DAB1: variants seen among roughly 807,000 people sequenced by gnomAD.
The protein encoded by DAB1 is disabled homolog 1.
A neutral mutation model predicts 64.6 loss-of-function variants in DAB1; 15 were observed. The observed-to-expected ratio is 0.23, with a 90% confidence interval of 0.16 to 0.36. The LOEUF (loss-of-function observed/expected upper bound fraction) is 0.36, where lower values mean the gene tolerates loss of function less well. DAB1 is among the 10% of genes least tolerant of loss of function. DAB1 has a pLI of 1.00. For missense variants in DAB1, 596 were observed against 706.7 expected (o/e 0.84, Z 1.78); for synonymous variants, 235 against 251.9 (o/e 0.93, Z 0.64).
At chr1:58,095,901 G>A (rs1032953007) in intron 5 of DAB1, among the ~76,000 whole-genome samples, 1 of 152,182 alleles carries the variant, frequency 6.6e-6, no homozygotes, top group Non-Finnish European at 1.5e-5. Flanking sequence ...GTGGAGGCCT[G>A]GGGATTGAAT....
intron 1 of DAB1, chr1:57,874,349 G>C (rs1644007396): frequency 6.6e-6 from 1 of 152,140 alleles, no homozygotes; most frequent in South Asian, 2.1e-4. Context: ...GCAGGGTGAG[G>C]CAGGGCTCCA....
At chr1:57,976,074 C>G (rs901905310) in intron 5 of DAB1, among the ~76,000 whole-genome samples, 2 of 152,186 alleles carry the variant, frequency 1.3e-5, no homozygotes, top group Non-Finnish European at 2.9e-5. Flanking sequence ...CTTAGAGCAC[C>G]AAGCCCCCCA....
At chr1:57,994,518 T>C (rs1262764475) in intron 5 of DAB1, among the ~76,000 whole-genome samples, 1 of 152,194 alleles carries the variant, frequency 6.6e-6, no homozygotes, top group Non-Finnish European at 1.5e-5. Flanking sequence ...AGAGCACTTC[T>C]GGGAGTTGGG....
chr1:57,479,517 C>G (rs1028896262), intron 7 of DAB1, among the ~76,000 whole-genome samples: 1 of 151,226 alleles, frequency 6.6e-6, no homozygotes, highest in Non-Finnish European at 1.5e-5. Context: ...TATCATAGTA[C>G]CCAAAAGTTT....
intron 1 of DAB1, among the ~76,000 whole-genome samples, chr1:57,363,978 C>A (rs894814688): frequency 1.3e-5 from 2 of 152,094 alleles, no homozygotes; most frequent in African/African-American, 4.8e-5. Flanking sequence ...AATATCCATT[C>A]CTATTTATAG....
intron 2 of DAB1, among the ~76,000 whole-genome samples, chr1:57,149,699 G>A (rs1659478584): frequency 6.6e-6 from 1 of 152,012 alleles, no homozygotes; most frequent in Non-Finnish European, 1.5e-5. Flanking sequence ...AAAATTTCAT[G>A]GTCTTAACCA....
rs1553181976 is a variant in DAB1 at position 57,439,433 on chromosome 1, T to TTTTTTTTGTTTTTTTTTTTTTTTTG, written n.626-148268_626-148267insCAAAAAAAAAAAAAAAACAAAAAAA. Among the ~76,000 whole-genome samples the TTTTTTTTGTTTTTTTTTTTTTTTTG allele has an allele frequency of 3.6e-4, 47 of 131,966 alleles. 1 individual carries two copies. Among genetic ancestry groups the TTTTTTTTGTTTTTTTTTTTTTTTTG allele is most frequent in the East Asian group, 2.4e-3 (10 of 4,152 alleles). The allele number at this position is 131,966 out of a possible 152,430, so 86.6% of individuals were successfully genotyped here. On this transcript the variant is annotated intron_variant and non_coding_transcript_variant, in intron 7 of 20. Coordinates refer to the DAB1 transcript ENST00000485760. ...TGGTGATGAGGTTTTTTCTTTTTTTTTTTTTTTTTTTTTTGAGACGGAGTC... is the reference window on the plus strand; with the variant it reads ...TGGTGATGAGGTTTTTTCTTTTTTTTTTTTTTTGTTTTTTTTTTTTTTTTGTTTTTTTTTTTTTTGAGACGGAGTC...
chr1:57,410,897 G>A (rs1684052542), intron 1 of DAB1, among the ~76,000 whole-genome samples: 1 of 152,204 alleles, frequency 6.6e-6, no homozygotes, highest in Non-Finnish European at 1.5e-5. Flanking sequence ...ACATGTGAGA[G>A]AAGGGGAAAG....
chr1:58,047,860 T>G (rs1262480373), intron 5 of DAB1: 2 of 262,826 alleles, frequency 7.6e-6, no homozygotes, highest in Non-Finnish European at 7.3e-6. Flanking sequence ...AGGCATTTAT[T>G]CAGCATCACG....
At chr1:57,330,642 G>C (rs1316048938) in intron 1 of DAB1, among the ~76,000 whole-genome samples, 4 of 152,192 alleles carry the variant, frequency 2.6e-5, no homozygotes, top group African/African-American at 7.2e-5. Flanking sequence ...CGAGAAAACA[G>C]TGTCGACGTG....
intron 5 of DAB1, among the ~76,000 whole-genome samples, chr1:57,895,763 G>A (rs377199805): frequency 6.6e-6 from 1 of 152,152 alleles, no homozygotes; most frequent in Admixed American, 6.5e-5. Flanking sequence ...ATCAAAATCA[G>A]AGAAAGGTAC....
chr1:57,633,935 G>C (rs1646021238), intron 7 of DAB1, among the ~76,000 whole-genome samples: 1 of 152,200 alleles, frequency 6.6e-6, no homozygotes, highest in African/African-American at 2.4e-5. Context: ...GTCATACTAA[G>C]TTGCTTTATC....
intron 6 of DAB1, among the ~76,000 whole-genome samples, chr1:57,662,127 T>C (rs1646393878): frequency 6.6e-6 from 1 of 152,218 alleles, no homozygotes; most frequent in Admixed American, 6.5e-5. Flanking sequence ...TTTTTTTGGG[T>C]AAAGAAAAAT....
In DAB1 at chr1:58,135,349, A is replaced by C. The variant is rs367892600; in HGVS notation, n.387+15162T>G. Among the ~76,000 whole-genome samples the C allele has an allele frequency of 4.7e-4, 71 of 152,312 alleles. 1 individual carries two copies. The highest frequency in any genetic ancestry group is 1.7e-3 in the African/African-American group (70 of 41,560). ...GAGGTTATTATAGACAATCAATTTGAGAAACATGGAATAACAAAGGTAAAT... is the reference window on the plus strand; with the variant it reads ...GAGGTTATTATAGACAATCAATTTGCGAAACATGGAATAACAAAGGTAAAT... On this transcript the variant is annotated intron_variant and non_coding_transcript_variant, in intron 5 of 20. Transcript: ENST00000485760.
intron 7 of DAB1, among the ~76,000 whole-genome samples, chr1:57,577,456 C>A (rs905539047): frequency 1.3e-5 from 2 of 151,474 alleles, no homozygotes; most frequent in Admixed American, 6.6e-5. Flanking sequence ...CAGTTGTTCA[C>A]AGCCTTTTAA....
intron 9 of DAB1, among the ~76,000 whole-genome samples, chr1:57,053,573 T>C (rs1649405754): frequency 6.6e-6 from 1 of 150,744 alleles, no homozygotes; most frequent in Non-Finnish European, 1.5e-5. Flanking sequence ...AGGAAATTAA[T>C]GTCAAATCCA....
At chr1:58,286,380 C>G (rs917907860) in intron 4 of DAB1, among the ~76,000 whole-genome samples, 1 of 152,152 alleles carries the variant, frequency 6.6e-6, no homozygotes, top group African/African-American at 2.4e-5. Context: ...GAACAGACAA[C>G]CTACCAAATG....
At chr1:57,408,639 C>T (rs889207967) in intron 1 of DAB1, among the ~76,000 whole-genome samples, 1 of 152,170 alleles carries the variant, frequency 6.6e-6, no homozygotes, top group Non-Finnish European at 1.5e-5. Flanking sequence ...CCAGCTGAGT[C>T]ACTCTCAATT....
intron 2 of DAB1, among the ~76,000 whole-genome samples, chr1:57,275,815 C>G (rs1488151214): frequency 6.6e-6 from 1 of 152,204 alleles, no homozygotes; most frequent in East Asian, 1.9e-4. Flanking sequence ...AAATTAGCAT[C>G]TTCCCCTGCC....
Sources: allele counts gnomAD v4.1 joint callset (sites outside exome capture counted in the v4.1 genomes callset), GRCh38; gene constraint gnomAD v4.1.1; transcripts MANE v1.5; gene names NCBI Gene and HGNC (gene_info 2026-07-23, HGNC 2026-07-21).